RYR2: variants seen among roughly 807,000 people sequenced by gnomAD.
RYR2 encodes cardiac muscle ryanodine receptor-calcium release channel.
A neutral mutation model predicts 601.1 loss-of-function variants in RYR2; 227 were observed. The ratio of observed to expected loss-of-function variants is 0.38; its 90% CI spans 0.34 to 0.42. The LOEUF (loss-of-function observed/expected upper bound fraction) is 0.42, where lower values mean the gene tolerates loss of function less well. Among genes scored for constraint, RYR2 ranks in the 10% least tolerant of loss-of-function variants. The pLI is 1.00. For synonymous variants in RYR2, 2,223 were observed against 2,175.1 expected, an observed-to-expected ratio of 1.02 and a Z score of -0.61; for missense variants, 4,646 against 6,156.5, an observed-to-expected ratio of 0.75 and a Z score of 8.21.
chr1:237,426,557 G>A (rs143187926), intron 12 of RYR2, among the ~76,000 whole-genome samples: 35 of 152,170 alleles, frequency 2.3e-4, no homozygotes, highest in African/African-American at 7.7e-4. Flanking sequence ...ATTATTTGAT[G>A]GTAGAAACCC....
chr1:237,430,973 G>A (rs927782958), intron 12 of RYR2, among the ~76,000 whole-genome samples: 1 of 152,156 alleles, frequency 6.6e-6, no homozygotes, highest in African/African-American at 2.4e-5. Flanking sequence ...GTTGCATGGA[G>A]GTAGAGAGGC....
chr1:237,822,583 T>G (rs1662634256), intron 101 of RYR2, among the ~76,000 whole-genome samples: 1 of 152,092 alleles, frequency 6.6e-6, no homozygotes, highest in African/African-American at 2.4e-5. Context: ...ACATACCAGA[T>G]TGTAAAGACC....
rs116885709 is a variant in RYR2, at chr1:237,509,557, G to T, written c.2719-2131G>T. ...CCCTATTTTGTGGAATAACAAGGCAGATCTGTCTATCATTTATTCGTCCCT... is the reference window on the plus strand; with the variant it reads ...CCCTATTTTGTGGAATAACAAGGCATATCTGTCTATCATTTATTCGTCCCT... On this transcript the variant is annotated intron_variant, in intron 23 of 104. Coordinates refer to ENST00000366574, the MANE Select transcript of RYR2 (RefSeq NM_001035.3). Among the ~76,000 whole-genome samples the T allele has an allele frequency of 1.3e-4, 20 of 152,310 alleles. No homozygotes were observed. In the East Asian group the frequency reaches 3.9e-3, roughly 29 times the overall value.
At chr1:237,494,426 C>T (rs61833801) in intron 19 of RYR2, among the ~76,000 whole-genome samples, 10,192 of 152,180 alleles carry the variant, frequency 0.067, 483 homozygotes, top group African/African-American at 0.14. Context: ...CTTTCTGCGT[C>T]CCTCTGTCTG....
At position 237,757,701 on chromosome 1, in the gene RYR2, A is replaced by C. The variant is rs769433180; in HGVS notation, c.11250A>C (p.Glu3750Asp). 1.9e-6 allele frequency: 3 copies of C among 1,605,960 alleles called. No individual in the cohort carries two copies. In the African/African-American group the frequency reaches 4.0e-5, roughly 21 times the overall value. ...CTACTTTTTTATATTTCTTAGGTGA[A>C]ACTGGACCAATGGTAGCAGCTACTC... ...VLQTISASKG[E>D]TGPMVAATLK... The change falls in exon 82 of 105, where the codon GAA becomes GAC. Residue 3750 changes from glutamate (E) to aspartate (D), a missense_variant. Physicochemically the swap from Glu to Asp is conservative, Grantham distance 45 (BLOSUM62 2). This residue lies in a region of RYR2 where 1,497 missense variants were observed against 1,842.6 expected (regional missense o/e 0.81). Transcript: ENST00000366574.
chr1:237,773,917 T>C (rs946463228), intron 87 of RYR2, among the ~76,000 whole-genome samples: 2 of 152,152 alleles, frequency 1.3e-5, no homozygotes, highest in Non-Finnish European at 2.9e-5. Flanking sequence ...ATTAAGCACT[T>C]AGTAAATATT....
At chr1:237,751,421 A>G (rs1359618448) in intron 80 of RYR2, among the ~76,000 whole-genome samples, 3 of 152,140 alleles carry the variant, frequency 2.0e-5, no homozygotes, top group Non-Finnish European at 4.4e-5. Context: ...TCCTTGTTAT[A>G]CCTTGTTAAT....
At chr1:237,683,111 G>A (rs913668408) in intron 62 of RYR2, among the ~76,000 whole-genome samples, 2 of 152,108 alleles carry the variant, frequency 1.3e-5, no homozygotes, top group South Asian at 2.1e-4. Flanking sequence ...GAAAAATATT[G>A]GTAGGGTATA....
At chr1:237,497,850 T>C (rs1192181020) in intron 20 of RYR2, among the ~76,000 whole-genome samples, 1 of 152,074 alleles carries the variant, frequency 6.6e-6, no homozygotes. Flanking sequence ...TGTATTTTGA[T>C]TTTTTGTGAA....
intron 51 of RYR2, among the ~76,000 whole-genome samples, chr1:237,651,898 G>C (rs539419239): frequency 6.6e-6 from 1 of 152,126 alleles, no homozygotes; most frequent in Admixed American, 6.5e-5. Flanking sequence ...TTAGCCGGAC[G>C]TGGTGGTGGG....
At chr1:237,419,730 G>A (rs907294908) in intron 11 of RYR2, among the ~76,000 whole-genome samples, 1 of 152,150 alleles carries the variant, frequency 6.6e-6, no homozygotes, top group Non-Finnish European at 1.5e-5. Flanking sequence ...AGATTCATAT[G>A]TACGGAATAT....
intron 1 of RYR2, among the ~76,000 whole-genome samples, chr1:237,148,525 A>ATATATAT (rs1288744725): frequency 5.0e-4 from 41 of 81,468 alleles, no homozygotes; most frequent in South Asian, 1.3e-3. Flanking sequence ...TAAAAAAAAA[A>ATATATAT]AAATATATAT....
chr1:237,577,147 G>T (rs1673311589), intron 29 of RYR2, among the ~76,000 whole-genome samples: 1 of 152,158 alleles, frequency 6.6e-6, no homozygotes, highest in Non-Finnish European at 1.5e-5. Flanking sequence ...CAGGAGATAT[G>T]TACAAGAATG....
At chr1:237,658,099 A>T in intron 54 of RYR2, 77 bp downstream of exon 54, 1 of 809,660 alleles carries the variant, frequency 1.2e-6, no homozygotes, top group Non-Finnish European at 1.8e-6. Context: ...TGACCATGAC[A>T]GTTTTCTGTT....
intron 16 of RYR2, among the ~76,000 whole-genome samples, chr1:237,466,421 G>A (rs1178531210): frequency 6.6e-6 from 1 of 152,058 alleles, no homozygotes; most frequent in Admixed American, 6.6e-5. Context: ...TCCCACCTTG[G>A]CTCCCAAAGT....
intron 63 of RYR2, among the ~76,000 whole-genome samples, chr1:237,696,058 A>G (rs1687400154): frequency 1.3e-5 from 2 of 152,184 alleles, no homozygotes; most frequent in Admixed American, 1.3e-4. Flanking sequence ...TGTATGTCAG[A>G]CACTATTCTA....
chr1:237,715,205 G>T (rs1183997996), intron 71 of RYR2, among the ~76,000 whole-genome samples: 1 of 152,110 alleles, frequency 6.6e-6, no homozygotes, highest in Non-Finnish European at 1.5e-5. Flanking sequence ...CTGCGCCTAT[G>T]AGCAAGGCAC....
intron 1 of RYR2, among the ~76,000 whole-genome samples, chr1:237,110,733 C>T (rs903643399): frequency 1.3e-5 from 2 of 152,198 alleles, no homozygotes; most frequent in Admixed American, 1.3e-4. Flanking sequence ...ATCTCAGCTT[C>T]ATTTCTCCCT....
At chr1:237,460,228 CT>C (rs1659316767) in intron 16 of RYR2, among the ~76,000 whole-genome samples, 1 of 152,164 alleles carries the variant, frequency 6.6e-6, no homozygotes, top group Admixed American at 6.5e-5. Flanking sequence ...GAAGTTATCC[CT>C]TGTGAAAGAG....
Sources: gnomAD v4.1 joint callset for allele counts (sites outside exome capture counted in the v4.1 genomes callset) on GRCh38, gnomAD v4.1.1 for gene constraint, gnomAD v4.1.1 regional missense constraint, MANE v1.5 for transcripts, NCBI Gene and HGNC (gene_info 2026-07-23, HGNC 2026-07-21) for gene names.